Variants in UBTD1 observed in about 807,000 individuals in gnomAD.
UBTD1 encodes ubiquitin domain-containing protein 1.
A neutral mutation model predicts 21.7 loss-of-function variants in UBTD1; 19 were observed. The observed-to-expected ratio is 0.87, with a 90% CI of 0.61 to 1.28. UBTD1 has a LOEUF of 1.28. UBTD1 is among the 50% of genes most tolerant of loss of function. UBTD1 has a pLI of 0.00. For synonymous variants in UBTD1, 116 were observed against 135.1 expected (o/e 0.86, Z 0.98); for missense variants, 282 against 315.1 (o/e 0.89, Z 0.80).
intron 1 of UBTD1, among the ~76,000 whole-genome samples, chr10:97,566,679 C>G (rs902426482): frequency 6.6e-6 from 1 of 152,216 alleles, no homozygotes; most frequent in Non-Finnish European, 1.5e-5. Flanking sequence ...CAGCGGAGAT[C>G]GCTGCCTGCA....
chr10:97,558,396 T>C (rs1332193101), intron 1 of UBTD1, among the ~76,000 whole-genome samples: 1 of 152,218 alleles, frequency 6.6e-6, no homozygotes, highest in Admixed American at 6.5e-5. Context: ...GGGCATACTT[T>C]AGGTTTTGCT....
chr10:97,549,971 A>T (rs2040628854), intron 1 of UBTD1, among the ~76,000 whole-genome samples: 1 of 151,578 alleles, frequency 6.6e-6, no homozygotes, highest in African/African-American at 2.4e-5. Flanking sequence ...GTTCTTCCTG[A>T]CCCCTTGTTC....
At chr10:97,503,581 G>A (rs2040386702) in intron 1 of UBTD1, among the ~76,000 whole-genome samples, 1 of 152,208 alleles carries the variant, frequency 6.6e-6, no homozygotes, top group Admixed American at 6.5e-5. Flanking sequence ...ACAGACCCAG[G>A]GCCCTGTTTG....
intron 1 of UBTD1, among the ~76,000 whole-genome samples, chr10:97,546,606 A>AG (rs1554866936): frequency 1.3e-5 from 2 of 148,454 alleles, no homozygotes; most frequent in African/African-American, 5.0e-5. Context: ...AAAAAAAAAA[A>AG]GCTGACAGAA....
intron 1 of UBTD1, among the ~76,000 whole-genome samples, chr10:97,529,732 G>A (rs1009458686): frequency 5.5e-5 from 3 of 54,662 alleles, no homozygotes; most frequent in African/African-American, 1.3e-4. Context: ...GAGGGAGACC[G>A]TGGAAAGAGA....
chr10:97,567,356 C>T (rs1386686908), intron 1 of UBTD1, among the ~76,000 whole-genome samples: 3 of 146,552 alleles, frequency 2.0e-5, no homozygotes, highest in African/African-American at 4.9e-5. Context: ...CGTGAGCCAC[C>T]GCGCCCTGCC....
chr10:97,504,498 A>C (rs2040390492), intron 1 of UBTD1, among the ~76,000 whole-genome samples: 1 of 152,148 alleles, frequency 6.6e-6, no homozygotes, highest in Non-Finnish European at 1.5e-5. Context: ...TAAGGAATCA[A>C]ACCCTCCCAG....
chr10:97,498,962 A>G lies in UBTD1; in HGVS notation c.-242A>G, dbSNP rs1399155487. 2.1e-5 allele frequency: 9 copies of G among 437,660 alleles called. No homozygotes were observed. Among genetic ancestry groups the G allele is most frequent in the African/African-American group, 1.9e-4 (9 of 48,346 alleles). The allele number at this position is 437,660 out of a possible 1,614,324, so 27.1% of individuals were successfully genotyped here. ...CAGCGGAGCTGGTCTCCGGCCGGGC[A>G]CCGTCGCGGGCCCCCCTGGCCCGGC... On this transcript the variant is annotated 5_prime_UTR_variant, in exon 1 of 3. Transcript: ENST00000370664.
intron 1 of UBTD1, among the ~76,000 whole-genome samples, chr10:97,553,764 C>T (rs147014589): frequency 1.3e-5 from 2 of 152,292 alleles, no homozygotes; most frequent in East Asian, 3.9e-4. Flanking sequence ...ATTAACCCTG[C>T]CTGCCCCCTC....
At chr10:97,538,101 C>G (rs924473241) in intron 1 of UBTD1, among the ~76,000 whole-genome samples, 2 of 152,130 alleles carry the variant, frequency 1.3e-5, no homozygotes, top group South Asian at 4.1e-4. Flanking sequence ...GCTTGGATTA[C>G]AGGCACCAGC....
chr10:97,502,800 A>G (rs973956048), intron 1 of UBTD1, among the ~76,000 whole-genome samples: 1 of 145,626 alleles, frequency 6.9e-6, no homozygotes, highest in Middle Eastern at 3.5e-3. Context: ...CGTCTCATCA[A>G]GTTTTGTGAT....
At chr10:97,506,049 G>A (rs970917085) in intron 1 of UBTD1, among the ~76,000 whole-genome samples, 3 of 152,142 alleles carry the variant, frequency 2.0e-5, no homozygotes, top group Admixed American at 6.5e-5. Context: ...AGTTCATACC[G>A]GTGTGTACAG....
intron 1 of UBTD1, among the ~76,000 whole-genome samples, chr10:97,553,521 A>G (rs2040650317): frequency 6.6e-6 from 1 of 152,216 alleles, no homozygotes; most frequent in Non-Finnish European, 1.5e-5. Context: ...GTTTGTCTGT[A>G]TCAGTGGCTA....
intron 1 of UBTD1, among the ~76,000 whole-genome samples, chr10:97,538,668 C>A (rs979174362): frequency 6.6e-6 from 1 of 152,144 alleles, no homozygotes; most frequent in Non-Finnish European, 1.5e-5. Context: ...ATGATCTGAG[C>A]AGTTTCTACT....
chr10:97,538,561 T>A (rs955131548), intron 1 of UBTD1, among the ~76,000 whole-genome samples: 3 of 152,216 alleles, frequency 2.0e-5, no homozygotes, highest in Non-Finnish European at 2.9e-5. Flanking sequence ...GACAGTGATA[T>A]GAGCTCGTCT....
chr10:97,564,375 G>T (rs965035883), intron 1 of UBTD1, among the ~76,000 whole-genome samples: 1 of 152,166 alleles, frequency 6.6e-6, no homozygotes, highest in Non-Finnish European at 1.5e-5. Flanking sequence ...TCTTATGGGG[G>T]AAGTTTACAT....
At chr10:97,505,526 G>T (rs1392428778) in intron 1 of UBTD1, among the ~76,000 whole-genome samples, 1 of 152,218 alleles carries the variant, frequency 6.6e-6, no homozygotes, top group Admixed American at 6.5e-5. Context: ...AGATGTTATG[G>T]AGATAAAATA....
At chr10:97,509,068 C>T (rs1038308715) in intron 1 of UBTD1, among the ~76,000 whole-genome samples, 3 of 152,182 alleles carry the variant, frequency 2.0e-5, no homozygotes, top group African/African-American at 7.2e-5. Context: ...TGTCACTCTT[C>T]GTAATTAATA....
chr10:97,549,748 A>G (rs371077390), intron 1 of UBTD1, among the ~76,000 whole-genome samples: 30 of 152,340 alleles, frequency 2.0e-4, no homozygotes, highest in East Asian at 1.7e-3. Context: ...AAAGGCCCAC[A>G]GGCCTGTAAA....
Sources: allele counts gnomAD v4.1 joint callset (sites outside exome capture counted in the v4.1 genomes callset), GRCh38; gene constraint gnomAD v4.1.1; transcripts MANE v1.5; gene names NCBI Gene and HGNC (gene_info 2026-07-23, HGNC 2026-07-21).